Variants in CCDC181 observed in about 807,000 individuals in gnomAD.
CCDC181 encodes the protein coiled-coil domain containing 181.
CCDC181 carries 35 observed loss-of-function variants against 58.7 expected under a neutral mutation model. The observed-to-expected ratio is 0.60, with a 90% CI of 0.46 to 0.79. CCDC181 has a LOEUF of 0.79. Ranked by LOEUF, CCDC181 falls within the 30% of genes least tolerant of loss-of-function variation. The pLI is 0.00. For missense variants in CCDC181, 517 were observed against 583.9 expected, an observed-to-expected ratio of 0.89 and a Z score of 1.18; for synonymous variants, 183 against 197.5, an observed-to-expected ratio of 0.93 and a Z score of 0.62.
chr1:169,457,806 A>G (rs1317584050), intron 2 of CCDC181, among the ~76,000 whole-genome samples: 1 of 152,188 alleles, frequency 6.6e-6, no homozygotes, highest in Non-Finnish European at 1.5e-5. Flanking sequence ...ATACATGTAC[A>G]ATATTCCAAG....
At chr1:169,444,299 C>T (rs955305752) in intron 2 of CCDC181, among the ~76,000 whole-genome samples, 7 of 152,112 alleles carry the variant, frequency 4.6e-5, no homozygotes, top group African/African-American at 1.7e-4. Flanking sequence ...AAATACAGTA[C>T]TACAATACCT....
At chr1:169,397,425 T>C in intron 4 of CCDC181, 34 bp from the exon 5 acceptor site, 1 of 1,559,006 alleles carries the variant, frequency 6.4e-7, no homozygotes. Flanking sequence ...TTAGTTTAGA[T>C]AAACAAGAAC....
upstream of CCDC181, among the ~76,000 whole-genome samples, chr1:169,430,149 T>C (rs1049611321): frequency 2.6e-5 from 4 of 152,242 alleles, no homozygotes; most frequent in South Asian, 8.3e-4. Context: ...CATTAGTCTA[T>C]GTGCCTGTTT....
intron 2 of CCDC181, among the ~76,000 whole-genome samples, chr1:169,423,069 A>ATATT (rs1205008189): frequency 6.8e-6 from 1 of 147,698 alleles, no homozygotes; most frequent in Non-Finnish European, 1.5e-5. Flanking sequence ...TATTTTATAT[A>ATATT]TATATATATT....
At chr1:169,398,539 C>G (rs1267564375) in intron 4 of CCDC181, among the ~76,000 whole-genome samples, 1 of 152,158 alleles carries the variant, frequency 6.6e-6, no homozygotes, top group African/African-American at 2.4e-5. Context: ...ATAGCAGGCA[C>G]TAAAGTACTG....
chr1:169,425,103 A>G (rs977262525), intron 1 of CCDC181, among the ~76,000 whole-genome samples, 153 bp from the exon 2 acceptor site: 3 of 152,074 alleles, frequency 2.0e-5, no homozygotes, highest in African/African-American at 4.8e-5. Context: ...CATGAAAGAG[A>G]GATCTGCAAT....
intron 2 of CCDC181, among the ~76,000 whole-genome samples, chr1:169,457,649 T>C (rs971624264): frequency 1.3e-5 from 2 of 152,170 alleles, no homozygotes; most frequent in Non-Finnish European, 2.9e-5. Context: ...AGGTAATTTC[T>C]TCAGTTTTAC....
chr1:169,426,881 T>C (rs1213005640), intron 1 of CCDC181, among the ~76,000 whole-genome samples: 1 of 152,210 alleles, frequency 6.6e-6, no homozygotes, highest in African/African-American at 2.4e-5. Flanking sequence ...CTTTAGGTGA[T>C]AATTTTAATC....
At chr1:169,434,903 G>C (rs535985434) in intron 2 of CCDC181, among the ~76,000 whole-genome samples, 2 of 152,162 alleles carry the variant, frequency 1.3e-5, no homozygotes, top group Admixed American at 1.3e-4. Context: ...AAATCTTAGA[G>C]ACAGAAAGTA....
At chr1:169,453,283 C>T (rs895870799) in intron 2 of CCDC181, among the ~76,000 whole-genome samples, 1 of 152,022 alleles carries the variant, frequency 6.6e-6, no homozygotes, top group African/African-American at 2.4e-5. Flanking sequence ...TAATATTAAT[C>T]TGAAACAGCA....
At chr1:169,451,759 T>C (rs1657546940) in intron 2 of CCDC181, among the ~76,000 whole-genome samples, 1 of 148,824 alleles carries the variant, frequency 6.7e-6, no homozygotes, top group Admixed American at 6.7e-5. Flanking sequence ...GACATGAAAA[T>C]TGTAGAGAAA....
intron 2 of CCDC181, among the ~76,000 whole-genome samples, chr1:169,432,502 A>G (rs1656947712): frequency 6.6e-6 from 1 of 152,186 alleles, no homozygotes; most frequent in South Asian, 2.1e-4. Context: ...ATGTACTCCA[A>G]GTAGTATGAA....
At chr1:169,441,067 A>C (rs1019143997) in intron 2 of CCDC181, among the ~76,000 whole-genome samples, 7 of 152,194 alleles carry the variant, frequency 4.6e-5, no homozygotes, top group Admixed American at 3.3e-4. Context: ...AGTTTCCATT[A>C]AAACTAATAC....
At chr1:169,450,254 T>C (rs1657499550) in intron 2 of CCDC181, among the ~76,000 whole-genome samples, 2 of 152,100 alleles carry the variant, frequency 1.3e-5, no homozygotes, top group South Asian at 2.1e-4. Flanking sequence ...CCCTGGAGAG[T>C]AGGCCTTTGT....
chr1:169,401,274 C>T (rs1655332655), intron 4 of CCDC181, among the ~76,000 whole-genome samples: 1 of 152,166 alleles, frequency 6.6e-6, no homozygotes, highest in South Asian at 2.1e-4. Context: ...CTTAAACGTC[C>T]CAGTCTGACA....
At chr1:169,433,910 A>G (rs1247003388) in intron 2 of CCDC181, among the ~76,000 whole-genome samples, 2 of 152,120 alleles carry the variant, frequency 1.3e-5, no homozygotes, top group Non-Finnish European at 2.9e-5. Flanking sequence ...AAAAGTAAAC[A>G]AATTGGACTG....
At chr1:169,458,828 T>G (rs1051399764) in intron 2 of CCDC181, among the ~76,000 whole-genome samples, 3 of 152,006 alleles carry the variant, frequency 2.0e-5, no homozygotes, top group African/African-American at 7.2e-5. Flanking sequence ...CTTTGGTGAT[T>G]TTTAATAGTC....
intron 1 of CCDC181, 120 bp from the exon 2 acceptor site, chr1:169,425,070 A>T: frequency 2.1e-6 from 1 of 467,268 alleles, no homozygotes; most frequent in Non-Finnish European, 3.9e-6. Context: ...GAATGTTCAA[A>T]ATGAACATGC....
chr1:169,410,978 G>A (rs998328048), intron 4 of CCDC181, among the ~76,000 whole-genome samples: 2 of 152,100 alleles, frequency 1.3e-5, no homozygotes, highest in Non-Finnish European at 2.9e-5. Context: ...GCAATTAAAA[G>A]AACTAGAGAA....
Sources: allele counts gnomAD v4.1 joint callset (sites outside exome capture counted in the v4.1 genomes callset), GRCh38; gene constraint gnomAD v4.1.1; transcripts MANE v1.5; gene names NCBI Gene and HGNC (gene_info 2026-07-23, HGNC 2026-07-21).